PRKCE: variants seen among roughly 807,000 people sequenced by gnomAD.
PRKCE encodes the protein protein kinase C epsilon type.
PRKCE carries 16 observed loss-of-function variants against 85.4 expected under a neutral mutation model. That is an observed-to-expected ratio of 0.19 (90% CI 0.13 to 0.28). PRKCE has a LOEUF of 0.28. Among genes scored for constraint, PRKCE ranks in the 10% least tolerant of loss-of-function variants. The probability of loss-of-function intolerance (pLI) is 1.00; values close to 1 mark genes in which losing one functional copy is unlikely to be tolerated. For synonymous variants in PRKCE, 388 were observed against 371.5 expected (o/e 1.04, Z -0.51); for missense variants, 573 against 975.2 (o/e 0.59, Z 5.49).
At chr2:46,022,290 A>G (rs1165743699) in intron 10 of PRKCE, among the ~76,000 whole-genome samples, 1 of 152,194 alleles carries the variant, frequency 6.6e-6, no homozygotes, top group Non-Finnish European at 1.5e-5. Context: ...TTTCAACTAC[A>G]TGACCTATAC....
intron 6 of PRKCE, among the ~76,000 whole-genome samples, chr2:45,996,670 G>C (rs1205000762): frequency 6.6e-6 from 1 of 152,020 alleles, no homozygotes; most frequent in Non-Finnish European, 1.5e-5. Flanking sequence ...AACCAGCCTT[G>C]CTTGCCTGGG....
chr2:45,712,890 C>G (rs1419565363), intron 1 of PRKCE, among the ~76,000 whole-genome samples: 1 of 152,162 alleles, frequency 6.6e-6, no homozygotes, highest in South Asian at 2.1e-4. Flanking sequence ...CGTATTCGCC[C>G]CATACTTCTA....
intron 2 of PRKCE, among the ~76,000 whole-genome samples, chr2:45,974,898 A>G (rs1324551446): frequency 6.6e-6 from 1 of 152,120 alleles, no homozygotes; most frequent in Non-Finnish European, 1.5e-5. Context: ...GGTGTCAGAA[A>G]CCTAGGAAGA....
At chr2:45,703,548 A>AAG (rs397871627) in intron 1 of PRKCE, among the ~76,000 whole-genome samples, 1 of 151,718 alleles carries the variant, frequency 6.6e-6, no homozygotes, top group Admixed American at 6.6e-5. Context: ...TAAAAAAAAA[A>AAG]GAATAAAGAA....
At chr2:46,161,840 C>A (rs997725972) in intron 14 of PRKCE, among the ~76,000 whole-genome samples, 4 of 152,170 alleles carry the variant, frequency 2.6e-5, no homozygotes, top group East Asian at 1.9e-4. Context: ...GAATCCCTCA[C>A]TGGGACTCCC....
At chr2:45,812,313 C>T (rs767678467) in intron 1 of PRKCE, among the ~76,000 whole-genome samples, 10 of 152,154 alleles carry the variant, frequency 6.6e-5, no homozygotes, top group East Asian at 1.9e-4. Flanking sequence ...AGATCTTGTA[C>T]GGGAAATTCT....
chr2:45,958,906 A>G (rs1332631298), intron 2 of PRKCE, among the ~76,000 whole-genome samples: 3 of 136,184 alleles, frequency 2.2e-5, no homozygotes, highest in African/African-American at 8.3e-5. Context: ...TTTTGCCCCT[A>G]AGGAGCAGGA....
chr2:45,874,733 A>C (rs569319051), intron 2 of PRKCE, among the ~76,000 whole-genome samples: 36 of 152,254 alleles, frequency 2.4e-4, no homozygotes, highest in Non-Finnish European at 4.4e-4. Context: ...TAGGAGTCCA[A>C]CAAGATGCAG....
At chr2:45,711,459 G>A (rs1186290598) in intron 1 of PRKCE, among the ~76,000 whole-genome samples, 1 of 152,010 alleles carries the variant, frequency 6.6e-6, no homozygotes, top group Non-Finnish European at 1.5e-5. Context: ...TGTAAAATGG[G>A]GATAATGAAA....
intron 2 of PRKCE, among the ~76,000 whole-genome samples, chr2:45,925,411 C>T (rs946469969): frequency 6.6e-6 from 1 of 152,178 alleles, no homozygotes; most frequent in Non-Finnish European, 1.5e-5. Context: ...ATTCTCCTGC[C>T]TCAGCCTCCC....
chr2:45,723,800 T>TA (rs1370352195), intron 1 of PRKCE, among the ~76,000 whole-genome samples: 1 of 152,188 alleles, frequency 6.6e-6, no homozygotes, highest in Admixed American at 6.5e-5. Context: ...AGATAGGGTT[T>TA]CACCATGTTG....
chr2:45,851,240 T>A (rs1692229642), intron 2 of PRKCE, among the ~76,000 whole-genome samples: 1 of 152,178 alleles, frequency 6.6e-6, no homozygotes, highest in African/African-American at 2.4e-5. Context: ...GGAGATAAAA[T>A]AAAGAGGGAC....
intron 11 of PRKCE, among the ~76,000 whole-genome samples, chr2:46,088,686 G>C (rs1669879513): frequency 6.6e-6 from 1 of 152,184 alleles, no homozygotes; most frequent in South Asian, 2.1e-4. Context: ...ACTTAGAGAT[G>C]CAGGAGTTGG....
Position 45,858,205 on chromosome 2 carries a change from G to T in PRKCE, c.412+15142G>T, listed in dbSNP as rs918531198. On this transcript the variant is annotated intron_variant, in intron 2 of 14. Transcript: ENST00000306156. ...CTGTAACGATGGCCCTTCTAGCCGC[G>T]ACACTACCAGGCCAACTAGAAACAC... Among the ~76,000 whole-genome samples the T allele has an allele frequency of 9.9e-5, 15 of 152,280 alleles. No individual in the cohort carries two copies. In the South Asian group the frequency reaches 1.5e-3, roughly 15 times the overall value.
intron 9 of PRKCE, among the ~76,000 whole-genome samples, chr2:46,009,865 A>T (rs10195321): frequency 0.36 from 55,215 of 152,140 alleles, 10,172 homozygotes; most frequent in Middle Eastern, 0.44. Flanking sequence ...AGTTAAAAAT[A>T]GTTACATTAT....
intron 11 of PRKCE, among the ~76,000 whole-genome samples, chr2:46,133,889 G>A (rs1465094300): frequency 6.6e-6 from 1 of 152,192 alleles, no homozygotes; most frequent in Non-Finnish European, 1.5e-5. Flanking sequence ...ATTAAAGGAA[G>A]GGTTGGGGGT....
chr2:45,707,552 C>A (rs1242329706), intron 1 of PRKCE, among the ~76,000 whole-genome samples: 2 of 152,212 alleles, frequency 1.3e-5, no homozygotes, highest in Non-Finnish European at 2.9e-5. Context: ...GAAGCTGGTC[C>A]TGTGACTTGC....
At chr2:45,916,036 T>C (rs1697745282) in intron 2 of PRKCE, among the ~76,000 whole-genome samples, 1 of 151,814 alleles carries the variant, frequency 6.6e-6, no homozygotes, top group Non-Finnish European at 1.5e-5. Flanking sequence ...ACTTGGAGAG[T>C]TTAGGATGGC....
chr2:45,741,199 G>A (rs938567346), intron 1 of PRKCE, among the ~76,000 whole-genome samples: 1 of 152,214 alleles, frequency 6.6e-6, no homozygotes, highest in Non-Finnish European at 1.5e-5. Context: ...GTCTTAGGCT[G>A]TAGGTAAGAT....
Sources: gnomAD v4.1 joint callset for allele counts (sites outside exome capture counted in the v4.1 genomes callset) on GRCh38, gnomAD v4.1.1 for gene constraint, MANE v1.5 for transcripts, NCBI Gene and HGNC (gene_info 2026-07-23, HGNC 2026-07-21) for gene names.